CACNA2D1: variants seen among roughly 807,000 people sequenced by gnomAD.
CACNA2D1 encodes calcium voltage-gated channel auxiliary subunit alpha2delta 1.
CACNA2D1 carries 53 observed loss-of-function variants against 171.5 expected under a neutral mutation model. The ratio of observed to expected loss-of-function variants is 0.31; its 90% CI spans 0.25 to 0.39. CACNA2D1 has a LOEUF of 0.39. Ranked by LOEUF, CACNA2D1 falls within the 10% of genes least tolerant of loss-of-function variation. CACNA2D1 has a pLI of 1.00. For missense variants in CACNA2D1, 903 were observed against 1,299.8 expected, an observed-to-expected ratio of 0.69 and a Z score of 4.69; for synonymous variants, 442 against 443.1, an observed-to-expected ratio of 1.00 and a Z score of 0.03.
At chr7:82,330,840 A>G (rs527967274) in intron 3 of CACNA2D1, among the ~76,000 whole-genome samples, 3 of 152,256 alleles carry the variant, frequency 2.0e-5, no homozygotes, top group African/African-American at 7.2e-5. Context: ...TGTAATAAGT[A>G]GGAATGTAGA....
In CACNA2D1 at chr7:82,041,533, C is replaced by T. The variant is rs1291960557; in HGVS notation, c.880-3298G>A. 2.0e-5 allele frequency among the ~76,000 whole-genome samples: 3 copies of T among 152,110 alleles called. No individual in the cohort carries two copies. In the East Asian group the frequency reaches 5.8e-4, roughly 29 times the overall value. ...AAGAAAAAACAAGAGGTAAAATGTC[C>T]TGCACAGATAGTAAGTCCTTTTTCA... is the stretch of plus-strand genomic sequence containing the variant. On this transcript the variant is annotated intron_variant, in intron 10 of 38. Coordinates refer to ENST00000356860, the MANE Select transcript of CACNA2D1 (RefSeq NM_000722.4).
chr7:82,044,612 G>C (rs754992926), intron 10 of CACNA2D1, among the ~76,000 whole-genome samples: 3 of 151,990 alleles, frequency 2.0e-5, no homozygotes, highest in Non-Finnish European at 2.9e-5. Context: ...ATTTAAATAA[G>C]AAACAATAAA....
At chr7:82,380,750 G>A (rs1235194821) in intron 1 of CACNA2D1, among the ~76,000 whole-genome samples, 1 of 151,928 alleles carries the variant, frequency 6.6e-6, no homozygotes, top group Non-Finnish European at 1.5e-5. Context: ...ACTGGTGTGC[G>A]GTGGCATGAT....
At position 82,063,607 on chromosome 7, in the gene CACNA2D1, G is replaced by A. The variant is rs28496355; in HGVS notation, c.779+697C>T. 4.2e-3 allele frequency among the ~76,000 whole-genome samples: 633 copies of A among 151,208 alleles called. 8 individuals are homozygous for A. The highest frequency in any genetic ancestry group is 0.015 in the African/African-American group (614 of 41,176). ...AAAACATGAGCATTTCTTCTCTTGAGGAAAAACATGAGTAACCTAAGCATT... is the reference window on the plus strand; with the variant it reads ...AAAACATGAGCATTTCTTCTCTTGAAGAAAAACATGAGTAACCTAAGCATT... On this transcript the variant is annotated intron_variant, in intron 9 of 38. Transcript: ENST00000356860.
intron 1 of CACNA2D1, among the ~76,000 whole-genome samples, chr7:82,380,764 G>A (rs1400640519): frequency 2.0e-5 from 3 of 151,820 alleles, no homozygotes; most frequent in South Asian, 2.1e-4. Context: ...GCATGATCTC[G>A]GCTCACTGCG....
At chr7:82,114,761 A>AG (rs1491376078) in intron 6 of CACNA2D1, among the ~76,000 whole-genome samples, 2 of 36,220 alleles carry the variant, frequency 5.5e-5, no homozygotes, top group Admixed American at 4.6e-4. Context: ...GTCCCAGAAG[A>AG]AAAAAAAAAA....
At chr7:82,014,787 C>G (rs1057393437) in intron 12 of CACNA2D1, among the ~76,000 whole-genome samples, 6 of 152,172 alleles carry the variant, frequency 3.9e-5, no homozygotes, top group Non-Finnish European at 8.8e-5. Context: ...GACGCAGTGG[C>G]TCACGCTCGT....
chr7:81,960,289 T>C (rs1357841122), intron 36 of CACNA2D1, among the ~76,000 whole-genome samples: 1 of 152,066 alleles, frequency 6.6e-6, no homozygotes, highest in Non-Finnish European at 1.5e-5. Flanking sequence ...TCTGTGAAGA[T>C]GGAAAAGTTG....
chr7:82,274,240 A>C (rs1243250867), intron 3 of CACNA2D1, among the ~76,000 whole-genome samples: 2 of 152,052 alleles, frequency 1.3e-5, no homozygotes, highest in Non-Finnish European at 2.9e-5. Context: ...GTATCTTTTG[A>C]CCACCAAATT....
At chr7:81,957,016 G>C (rs1245819634) in intron 38 of CACNA2D1, among the ~76,000 whole-genome samples, 1 of 152,014 alleles carries the variant, frequency 6.6e-6, no homozygotes, top group African/African-American at 2.4e-5. Flanking sequence ...ATTTCAATAA[G>C]AATATTTTGA....
At chr7:82,139,961 TA>T (rs970763330) in intron 4 of CACNA2D1, among the ~76,000 whole-genome samples, 1 of 149,680 alleles carries the variant, frequency 6.7e-6, no homozygotes, top group African/African-American at 2.4e-5. Flanking sequence ...TTATTATTAT[TA>T]TTATTATTAT....
intron 4 of CACNA2D1, 108 bp from the exon 5 acceptor site, chr7:82,136,784 T>C (rs1443300625): frequency 1.3e-6 from 1 of 783,830 alleles, no homozygotes; most frequent in African/African-American, 1.8e-5. Flanking sequence ...CATCTTTCTT[T>C]CACAATATAT....
chr7:82,011,623 A>G (rs1396563999), intron 15 of CACNA2D1, among the ~76,000 whole-genome samples: 1 of 152,206 alleles, frequency 6.6e-6, no homozygotes, highest in Non-Finnish European at 1.5e-5. Flanking sequence ...AATCTAGCAC[A>G]AAAGATTATA....
rs1191433150 is a variant in CACNA2D1, at chr7:82,443,583, C to G, written c.-124G>C. On this transcript the variant is annotated 5_prime_UTR_variant, in exon 1 of 39. Transcript: ENST00000356860. ...CCGCGGGCGTCTGGAGGGCTGGCTG[C>G]GCCCGGGGCCCGAGGCGCGGAGCCG... The G allele has an allele frequency of 2.2e-5, 32 of 1,447,126 alleles. No individual in the cohort carries two copies. The highest frequency in any genetic ancestry group is 1.2e-5 in the Non-Finnish European group (13 of 1,098,924). The allele number at this position is 1,447,126 out of a possible 1,614,324, so 89.6% of individuals were successfully genotyped here.
chr7:82,351,935 C>T (rs867148363), intron 1 of CACNA2D1, among the ~76,000 whole-genome samples: 6 of 152,052 alleles, frequency 3.9e-5, no homozygotes, highest in African/African-American at 7.3e-5. Context: ...TAATAAGACA[C>T]GTTATACATC....
At chr7:81,967,723 T>C in intron 29 of CACNA2D1, 60 bp from the exon 30 acceptor site, 2 of 778,300 alleles carry the variant, frequency 2.6e-6, no homozygotes, top group Non-Finnish European at 2.2e-6. Context: ...ACCTTTGCAA[T>C]ATGACAGTTA....
At chr7:82,400,594 T>C (rs1826278827) in intron 1 of CACNA2D1, among the ~76,000 whole-genome samples, 2 of 151,942 alleles carry the variant, frequency 1.3e-5, no homozygotes, top group Non-Finnish European at 2.9e-5. Flanking sequence ...CCTAAAACCA[T>C]AAAAACCCTA....
At position 82,385,178 on chromosome 7, in the gene CACNA2D1, T is replaced by C. The variant is rs1459474705; in HGVS notation, c.96-35529A>G. 2.0e-5 allele frequency among the ~76,000 whole-genome samples: 3 copies of C among 152,224 alleles called. No individual in the cohort carries two copies. In the East Asian group the frequency reaches 5.8e-4, roughly 29 times the overall value. ...GTATGTTGCTCAGCTTATGCTGTGCTCGTCTGTCCCTTTCTGTCCCTGCTA... is the reference window on the plus strand; with the variant it reads ...GTATGTTGCTCAGCTTATGCTGTGCCCGTCTGTCCCTTTCTGTCCCTGCTA... On this transcript the variant is annotated intron_variant, in intron 1 of 38. Transcript: ENST00000356860.
At chr7:82,046,874 T>G (rs1264014045) in intron 10 of CACNA2D1, among the ~76,000 whole-genome samples, 1 of 152,210 alleles carries the variant, frequency 6.6e-6, no homozygotes, top group Non-Finnish European at 1.5e-5. Flanking sequence ...CTATATTTAG[T>G]CTGTTTACCT....
Sources: allele counts gnomAD v4.1 joint callset (sites outside exome capture counted in the v4.1 genomes callset), GRCh38; gene constraint gnomAD v4.1.1; transcripts MANE v1.5; gene names NCBI Gene and HGNC (gene_info 2026-07-23, HGNC 2026-07-21).